CDKAL1: variants seen among roughly 807,000 people sequenced by gnomAD.
The protein encoded by CDKAL1 is CDKAL1 threonylcarbamoyladenosine tRNA methylthiotransferase.
CDKAL1 carries 32 observed loss-of-function variants against 68.2 expected under a neutral mutation model. That is an observed-to-expected ratio of 0.47 (90% CI 0.35 to 0.63). The LOEUF (loss-of-function observed/expected upper bound fraction) is 0.63. Among genes scored for constraint, CDKAL1 ranks in the 30% least tolerant of loss-of-function variants. The pLI is 0.00. For missense variants in CDKAL1, 606 were observed against 696.7 expected, an observed-to-expected ratio of 0.87 and a Z score of 1.47; for synonymous variants, 234 against 244.3, an observed-to-expected ratio of 0.96 and a Z score of 0.39.
chr6:20,654,427 T>C (rs1007851203), intron 5 of CDKAL1, among the ~76,000 whole-genome samples: 1 of 152,174 alleles, frequency 6.6e-6, no homozygotes, highest in Admixed American at 6.5e-5. Context: ...CATTTTCTTT[T>C]GTGGTATCTT....
At chr6:20,976,471 T>G (rs2150764650) in intron 10 of CDKAL1, among the ~76,000 whole-genome samples, 1 of 152,294 alleles carries the variant, frequency 6.6e-6, no homozygotes, top group East Asian at 1.9e-4. Flanking sequence ...ATCTAGATCT[T>G]AAGCTTTGCC....
At chr6:21,006,423 C>T (rs989610174) in intron 11 of CDKAL1, among the ~76,000 whole-genome samples, 10 of 152,106 alleles carry the variant, frequency 6.6e-5, no homozygotes, top group African/African-American at 2.4e-4. Context: ...CAAAATGCTT[C>T]CCTGAAAAAT....
At chr6:21,039,499 C>T (rs1384455187) in intron 11 of CDKAL1, among the ~76,000 whole-genome samples, 1 of 152,144 alleles carries the variant, frequency 6.6e-6, no homozygotes, top group Non-Finnish European at 1.5e-5. Context: ...TTACCATTAC[C>T]TTTAACAGCT....
chr6:20,837,646 A>G (rs1387781942), intron 8 of CDKAL1, among the ~76,000 whole-genome samples: 2 of 152,104 alleles, frequency 1.3e-5, no homozygotes, highest in East Asian at 3.8e-4. Context: ...GAAAGTACAG[A>G]TTTAGTTTTG....
intron 6 of CDKAL1, among the ~76,000 whole-genome samples, chr6:20,744,329 C>A (rs1388577638): frequency 1.3e-5 from 2 of 152,136 alleles, no homozygotes; most frequent in Non-Finnish European, 2.9e-5. Context: ...TTCAGAAAGC[C>A]TAGCTTCAAA....
intron 9 of CDKAL1, among the ~76,000 whole-genome samples, chr6:20,942,692 C>T (rs1373771597): frequency 2.0e-4 from 29 of 148,222 alleles, no homozygotes; most frequent in Non-Finnish European, 6.0e-5. Flanking sequence ...AATGGTGGCT[C>T]ATGCCTGTAA....
intron 12 of CDKAL1, among the ~76,000 whole-genome samples, chr6:21,082,337 A>G (rs1166898201): frequency 1.3e-5 from 2 of 152,192 alleles, no homozygotes; most frequent in Non-Finnish European, 2.9e-5. Context: ...AACATAGTCT[A>G]TGCTTTTCAT....
At chr6:20,800,247 T>C (rs1326071709) in intron 8 of CDKAL1, among the ~76,000 whole-genome samples, 2 of 152,154 alleles carry the variant, frequency 1.3e-5, no homozygotes, top group African/African-American at 4.8e-5. Flanking sequence ...AGGGTTACAA[T>C]AGAATATTCC....
chr6:20,891,426 G>T (rs1761387855), intron 9 of CDKAL1, among the ~76,000 whole-genome samples: 1 of 152,104 alleles, frequency 6.6e-6, no homozygotes, highest in Non-Finnish European at 1.5e-5. Flanking sequence ...TGCAGATCAT[G>T]GGAGGTGAAA....
chr6:20,855,298 C>G (rs564897524), intron 9 of CDKAL1, among the ~76,000 whole-genome samples: 1 of 151,874 alleles, frequency 6.6e-6, no homozygotes, highest in South Asian at 2.1e-4. Flanking sequence ...TAAAAAATAG[C>G]CAGGCGTGGT....
At chr6:21,110,426 C>T (rs914978204) in intron 13 of CDKAL1, among the ~76,000 whole-genome samples, 6 of 152,194 alleles carry the variant, frequency 3.9e-5, no homozygotes, top group Admixed American at 1.3e-4. Context: ...TATTTTTCCC[C>T]GCATGAATTA....
intron 15 of CDKAL1, among the ~76,000 whole-genome samples, chr6:21,205,240 T>C (rs79205574): frequency 0.12 from 18,149 of 152,228 alleles, 1,332 homozygotes; most frequent in Non-Finnish European, 0.16. Flanking sequence ...TTGGCTGTTA[T>C]GAATAATATT....
At position 20,896,098 on chromosome 6, in the gene CDKAL1, C is replaced by CTTTTTTTTTTTT. The variant is rs1291895133; in HGVS notation, c.742+49924_742+49925insTTTTTTTTTTTT. Among the ~76,000 whole-genome samples, 44 of 104,124 alleles carry CTTTTTTTTTTTT rather than the reference C, an allele frequency of 4.2e-4. 1 individual carries two copies. The highest frequency in any genetic ancestry group is 8.3e-4 in the African/African-American group (24 of 28,916). The allele number at this position is 104,124 out of a possible 152,430, so 68.3% of individuals were successfully genotyped here. A position where few individuals can be genotyped will look rare whatever the true frequency, so the allele number is the denominator to read the frequency against. ...TTTTTTCTTTTTTTTCTTTTCTTTT[C>CTTTTTTTTTTTT]TTTTCTTTTTTTTTTTTTTTTGAGA... On this transcript the variant is annotated intron_variant, in intron 9 of 15. Coordinates refer to ENST00000274695, the MANE Select transcript of CDKAL1 (RefSeq NM_017774.3).
At chr6:21,190,372 TG>T (rs68151799) in intron 13 of CDKAL1, among the ~76,000 whole-genome samples, 6,113 of 151,258 alleles carry the variant, frequency 0.04, 150 homozygotes, top group East Asian at 0.094. Context: ...GGGTTTTTTT[TG>T]TTTTTTTTTT....
At chr6:20,889,720 C>T (rs1761284798) in intron 9 of CDKAL1, among the ~76,000 whole-genome samples, 1 of 152,198 alleles carries the variant, frequency 6.6e-6, no homozygotes, top group African/African-American at 2.4e-5. Context: ...TGGTCTATAT[C>T]TCTGTTTTGG....
intron 9 of CDKAL1, among the ~76,000 whole-genome samples, chr6:20,948,787 T>G (rs775190187): frequency 1.3e-5 from 2 of 152,236 alleles, no homozygotes; most frequent in Non-Finnish European, 2.9e-5. Flanking sequence ...TACTGTGGTA[T>G]TAAGAGGATA....
intron 7 of CDKAL1, among the ~76,000 whole-genome samples, chr6:20,767,073 G>T (rs561801175): frequency 1.3e-5 from 2 of 152,110 alleles, no homozygotes; most frequent in Non-Finnish European, 2.9e-5. Flanking sequence ...AAGAGAATTG[G>T]CAGTTGCTAC....
chr6:21,093,380 A>G (rs1773144437), intron 12 of CDKAL1, among the ~76,000 whole-genome samples: 1 of 152,240 alleles, frequency 6.6e-6, no homozygotes, highest in Admixed American at 6.5e-5. Context: ...TTTGGGCATC[A>G]TGAAAACAAG....
chr6:20,704,632 G>T (rs908999822), intron 5 of CDKAL1, among the ~76,000 whole-genome samples: 1 of 152,104 alleles, frequency 6.6e-6, no homozygotes, highest in Non-Finnish European at 1.5e-5. Flanking sequence ...AGCCACATGA[G>T]ACCAAGCTAA....
Sources: gnomAD v4.1 joint callset for allele counts (sites outside exome capture counted in the v4.1 genomes callset) on GRCh38, gnomAD v4.1.1 for gene constraint, MANE v1.5 for transcripts, NCBI Gene and HGNC (gene_info 2026-07-23, HGNC 2026-07-21) for gene names.